ALDH1L2: variants seen among roughly 807,000 people sequenced by gnomAD.
The protein encoded by ALDH1L2 is aldehyde dehydrogenase 1 family member L2.
A neutral mutation model predicts 111.0 loss-of-function variants in ALDH1L2; 91 were observed. The ratio of observed to expected loss-of-function variants is 0.82; its 90% CI spans 0.69 to 0.98. The LOEUF is 0.98. ALDH1L2 is among the 50% of genes least tolerant of loss of function. ALDH1L2 has a pLI of 0.00. For synonymous variants in ALDH1L2, 374 were observed against 392.6 expected, an observed-to-expected ratio of 0.95 and a Z score of 0.56; for missense variants, 995 against 1,126.8, an observed-to-expected ratio of 0.88 and a Z score of 1.67.
chr12:105,051,790 C>CTTT (rs201831121), intron 12 of ALDH1L2, among the ~76,000 whole-genome samples: 4 of 134,772 alleles, frequency 3.0e-5, no homozygotes, highest in South Asian at 2.3e-4. Flanking sequence ...TCTTTTTTTT[C>CTTT]CTTTTTTTTT....
chr12:105,081,615 G>A (rs940044461), intron 1 of ALDH1L2, among the ~76,000 whole-genome samples: 1 of 152,194 alleles, frequency 6.6e-6, no homozygotes, highest in Non-Finnish European at 1.5e-5. Flanking sequence ...AGTGAGCCAG[G>A]CAGGATATCA....
intron 19 of ALDH1L2, among the ~76,000 whole-genome samples, chr12:105,034,000 T>A (rs1874840276): frequency 6.6e-6 from 1 of 152,300 alleles, no homozygotes. Flanking sequence ...AGACACATAA[T>A]ACAGTGAAAC....
chr12:105,041,886 A>T (rs1204231943), intron 15 of ALDH1L2, among the ~76,000 whole-genome samples: 1 of 152,114 alleles, frequency 6.6e-6, no homozygotes, highest in East Asian at 1.9e-4. Context: ...TGAGCATTAC[A>T]TTGCTTTCAG....
intron 15 of ALDH1L2, among the ~76,000 whole-genome samples, chr12:105,046,213 A>T (rs1875879255): frequency 9.2e-5 from 4 of 43,396 alleles, no homozygotes; most frequent in Admixed American, 3.3e-4. Flanking sequence ...ATATATATAT[A>T]TATATATATT....
At chr12:105,026,120 G>A (rs1874395541) in intron 22 of ALDH1L2, among the ~76,000 whole-genome samples, 1 of 152,090 alleles carries the variant, frequency 6.6e-6, no homozygotes. Flanking sequence ...TGTTGACTCT[G>A]AAAGCCTGCC....
In ALDH1L2 at chr12:105,062,984, A is replaced by G. The variant is rs1408518074; in HGVS notation, c.825T>C (p.Ser275=). The stretch of plus-strand genomic sequence containing the variant: ...TTTCCAGTGGTTCTCCAGGAGGCAC[A>G]GAGCTATTCAGTAATGTCGAGCCAT... ...TFYGSTLLNS[S]VPPGEPLEIK... Residue 275 remains serine, a synonymous_variant, in exon 7 of 23, where the codon TCT becomes TCC. Transcript: ENST00000258494. 6.2e-7 allele frequency: 1 copy of G among 1,614,176 alleles called. No homozygotes were observed. Among genetic ancestry groups the G allele is most frequent in the Admixed American group, 1.7e-5 (1 of 60,022 alleles).
intron 21 of ALDH1L2, among the ~76,000 whole-genome samples, chr12:105,029,423 T>G (rs1315722445): frequency 1.3e-5 from 2 of 152,182 alleles, no homozygotes; most frequent in Non-Finnish European, 2.9e-5. Flanking sequence ...CTCTGTGGAC[T>G]AACTGTCATC....
intron 15 of ALDH1L2, among the ~76,000 whole-genome samples, chr12:105,042,077 C>A (rs1373313578): frequency 1.5e-5 from 2 of 130,802 alleles, no homozygotes; most frequent in African/African-American, 5.4e-5. Context: ...TGTATGTATA[C>A]ACAACACACA....
At chr12:105,046,675 G>A (rs753616345) in intron 15 of ALDH1L2, 35 bp downstream of exon 15, 86 of 1,568,154 alleles carry the variant, frequency 5.5e-5, no homozygotes, top group Non-Finnish European at 6.8e-5. Context: ...TATAAGAGAG[G>A]AGGCAATTCT....
chr12:105,065,405 A>T (rs1877290474), intron 5 of ALDH1L2, 49 bp from the exon 6 acceptor site: 1 of 1,493,558 alleles, frequency 6.7e-7, no homozygotes, highest in East Asian at 2.3e-5. Flanking sequence ...TGTGAACCTC[A>T]AAGGCAATAA....
In ALDH1L2 at chr12:105,059,678, C is replaced by T. The variant is rs575976474; in HGVS notation, c.1139+1303G>A. Among the ~76,000 whole-genome samples the T allele has an allele frequency of 1.7e-4, 26 of 152,240 alleles. 2 individuals are homozygous for T. The highest frequency in any genetic ancestry group is 6.8e-3 in the Middle Eastern group (2 of 294). On this transcript the variant is annotated intron_variant, in intron 9 of 22. Transcript: ENST00000258494. ...ATAAAACCTCCATGAATAAAGGGGACGTTGTCTAGTTTACACTGTATCCCC... is the reference window on the plus strand; with the variant it reads ...ATAAAACCTCCATGAATAAAGGGGATGTTGTCTAGTTTACACTGTATCCCC...
intron 15 of ALDH1L2, among the ~76,000 whole-genome samples, chr12:105,042,964 T>G (rs1012187914): frequency 2.5e-4 from 38 of 152,212 alleles, no homozygotes; most frequent in African/African-American, 9.2e-4. Context: ...AAATGGGGTG[T>G]GCAAGAGGAT....
intron 10 of ALDH1L2, among the ~76,000 whole-genome samples, chr12:105,056,220 T>C (rs1009007151): frequency 6.6e-6 from 1 of 152,050 alleles, no homozygotes; most frequent in African/African-American, 2.4e-5. Context: ...AGTTGACTTA[T>C]CAGAAACCAT....
Position 105,058,236 on chromosome 12 carries a change from A to G in ALDH1L2, c.1140-16T>C, listed in dbSNP as rs1049987179. 1 of 1,585,696 alleles carries G rather than the reference A, an allele frequency of 6.3e-7. No homozygotes were observed. The highest frequency in any genetic ancestry group is 8.5e-7 in the Non-Finnish European group (1 of 1,170,086). ...TTCAACCAGCCTTAAAGTAAAAACC[A>G]GCTTCGCGTTACTTAGATTTTTAAA... On this transcript the variant is annotated splice_polypyrimidine_tract_variant and intron_variant, in intron 9 of 22. Transcript: ENST00000258494.
At chr12:105,073,158 T>G (rs562128797) in intron 2 of ALDH1L2, among the ~76,000 whole-genome samples, 1 of 152,008 alleles carries the variant, frequency 6.6e-6, no homozygotes, top group East Asian at 1.9e-4. Context: ...TTGTGTACAT[T>G]AATCTAATTT....
chr12:105,071,629 TATATATA>T (rs1565972409), intron 2 of ALDH1L2, among the ~76,000 whole-genome samples: 23 of 21,634 alleles, frequency 1.1e-3, no homozygotes, highest in Non-Finnish European at 1.6e-3. Flanking sequence ...TATATATATA[TATATATA>T]TATATATTTT....
At chr12:105,036,567 A>T (rs60404223) in intron 18 of ALDH1L2, among the ~76,000 whole-genome samples, 913 of 46,922 alleles carry the variant, frequency 0.019, 79 homozygotes, top group East Asian at 0.11. Flanking sequence ...TATATATATA[A>T]AATGGATGTG....
chr12:105,054,097 G>A (rs1316678539), intron 10 of ALDH1L2, among the ~76,000 whole-genome samples: 1 of 152,030 alleles, frequency 6.6e-6, no homozygotes, highest in Admixed American at 6.6e-5. Context: ...TAATAATGGA[G>A]GGTAATAATA....
intron 1 of ALDH1L2, among the ~76,000 whole-genome samples, chr12:105,076,890 ACC>A (rs1210581970): frequency 6.6e-6 from 1 of 152,220 alleles, no homozygotes; most frequent in East Asian, 1.9e-4. Flanking sequence ...CCCCCCAGTG[ACC>A]CATTTTGCAA....
Sources: allele counts gnomAD v4.1 joint callset (sites outside exome capture counted in the v4.1 genomes callset), GRCh38; gene constraint gnomAD v4.1.1; transcripts MANE v1.5; gene names NCBI Gene and HGNC (gene_info 2026-07-23, HGNC 2026-07-21).